Variants in MYLK4 observed in about 807,000 individuals in gnomAD.
The protein encoded by MYLK4 is caMLCK like.
Under a neutral mutation model 48.1 loss-of-function variants are expected in MYLK4, and 46 were observed. That is an observed-to-expected ratio of 0.96 (90% confidence interval 0.75 to 1.22). The LOEUF (loss-of-function observed/expected upper bound fraction) is 1.22, where lower values mean the gene tolerates loss of function less well. MYLK4 is among the 50% of genes most tolerant of loss of function. The probability of loss-of-function intolerance (pLI) is 0.00; values close to 1 mark genes in which losing one functional copy is unlikely to be tolerated. For missense variants in MYLK4, 451 were observed against 486.1 expected (o/e 0.93, Z 0.68); for synonymous variants, 170 against 180.8 (o/e 0.94, Z 0.48).
intron 2 of MYLK4, among the ~76,000 whole-genome samples, chr6:2,728,393 T>C (rs1763359852): frequency 6.6e-6 from 1 of 152,096 alleles, no homozygotes; most frequent in Admixed American, 6.5e-5. Context: ...TCATCATGTA[T>C]TGTCTGAAGA....
the MYLK4 span, among the ~76,000 whole-genome samples, chr6:2,760,597 G>A: frequency 6.6e-5 from 10 of 152,108 alleles, no homozygotes; most frequent in East Asian, 5.8e-4. Flanking sequence ...GAAATCCCAC[G>A]GGATTCTGAA....
intron 1 of MYLK4, among the ~76,000 whole-genome samples, chr6:2,750,159 G>C (rs1435167940): frequency 6.6e-6 from 1 of 152,206 alleles, no homozygotes; most frequent in South Asian, 2.1e-4. Flanking sequence ...GTTCCGCATG[G>C]CTGACAACTG....
chr6:2,765,595 C>G, the MYLK4 span: 86 of 1,476,486 alleles, frequency 5.8e-5, no homozygotes, highest in Non-Finnish European at 6.6e-5. Context: ...TGCGGCCGCG[C>G]CGGGCGCCGG....
At chr6:2,741,201 T>C (rs796787812) in intron 2 of MYLK4, among the ~76,000 whole-genome samples, 5 of 152,274 alleles carry the variant, frequency 3.3e-5, no homozygotes, top group African/African-American at 1.2e-4. Flanking sequence ...AATAGATAAA[T>C]GTGCCTTTTA....
intron 2 of MYLK4, among the ~76,000 whole-genome samples, chr6:2,717,928 C>A (rs1762926556): frequency 1.3e-5 from 2 of 152,126 alleles, no homozygotes; most frequent in Non-Finnish European, 2.9e-5. Context: ...TGCCTGTAAT[C>A]CCAGCACTTT....
intron 2 of MYLK4, among the ~76,000 whole-genome samples, chr6:2,716,219 T>C (rs1226784524): frequency 6.6e-6 from 1 of 152,238 alleles, no homozygotes; most frequent in African/African-American, 2.4e-5. Context: ...ACTATTTTTA[T>C]GGACACAAAA....
At chr6:2,763,025 C>A in the MYLK4 span, among the ~76,000 whole-genome samples, 2 of 152,200 alleles carry the variant, frequency 1.3e-5, no homozygotes, top group African/African-American at 4.8e-5. Flanking sequence ...GTCTCCATCG[C>A]CAGCTCTAGC....
intron 2 of MYLK4, among the ~76,000 whole-genome samples, chr6:2,701,399 C>T (rs951873724): frequency 6.6e-6 from 1 of 152,150 alleles, no homozygotes. Flanking sequence ...CTTGGTGTTT[C>T]CTAATGTGAG....
intron 12 of MYLK4, among the ~76,000 whole-genome samples, chr6:2,670,861 G>C (rs1417053846): frequency 6.6e-6 from 1 of 152,066 alleles, no homozygotes; most frequent in African/African-American, 2.4e-5. Context: ...CTGAGTCTCT[G>C]AGACTCTGAG....
At chr6:2,703,468 C>T (rs1037322988) in intron 2 of MYLK4, among the ~76,000 whole-genome samples, 9 of 152,156 alleles carry the variant, frequency 5.9e-5, no homozygotes, top group South Asian at 4.2e-4. Flanking sequence ...GGCCCTGGGA[C>T]GGTGGCCCTG....
intron 1 of MYLK4, 87 bp from the exon 2 acceptor site, chr6:2,749,493 C>T: frequency 2.3e-6 from 1 of 439,482 alleles, no homozygotes; most frequent in Non-Finnish European, 4.0e-6. Flanking sequence ...ATTTGGAAGT[C>T]CCTTCTGTTT....
the MYLK4 span, among the ~76,000 whole-genome samples, chr6:2,762,735 T>G: frequency 6.6e-6 from 1 of 152,214 alleles, no homozygotes; most frequent in East Asian, 1.9e-4. Flanking sequence ...TTAAACACAG[T>G]GCAGAGTTTC....
chr6:2,684,656 T>A (rs1023648149), intron 6 of MYLK4, among the ~76,000 whole-genome samples: 8 of 152,076 alleles, frequency 5.3e-5, no homozygotes, highest in African/African-American at 1.9e-4. Flanking sequence ...TTTTAAAAAA[T>A]ACAGTATAAC....
chr6:2,704,349 C>T (rs1029502585), intron 2 of MYLK4, among the ~76,000 whole-genome samples: 1 of 152,200 alleles, frequency 6.6e-6, no homozygotes, highest in Non-Finnish European at 1.5e-5. Flanking sequence ...GCAGCGCAAT[C>T]TGTTGTCCTG....
At chr6:2,692,936 G>C in intron 2 of MYLK4, 77 bp from the exon 3 acceptor site, 1 of 1,311,670 alleles carries the variant, frequency 7.6e-7, no homozygotes, top group South Asian at 1.3e-5. Context: ...TGACACTTGC[G>C]CTGGATGATT....
chr6:2,768,514 G>T, the MYLK4 span, among the ~76,000 whole-genome samples: 3 of 151,896 alleles, frequency 2.0e-5, no homozygotes, highest in South Asian at 2.1e-4. Flanking sequence ...TAATATTTTT[G>T]TTGTTGTTGT....
chr6:2,686,530 T>G (rs1266978199), intron 4 of MYLK4, among the ~76,000 whole-genome samples: 1 of 152,222 alleles, frequency 6.6e-6, no homozygotes, highest in Non-Finnish European at 1.5e-5. Flanking sequence ...TAAAATAAGC[T>G]AGAACACGTG....
Position 2,685,558 on chromosome 6 carries a change from A to T in MYLK4, c.360T>A (p.Val120=), listed in dbSNP as rs1761503243. 3.1e-6 allele frequency: 5 copies of T among 1,614,052 alleles called. No individual in the cohort carries two copies. The highest frequency in any genetic ancestry group is 1.1e-5 in the South Asian group (1 of 91,090). ...CTGTGGCCGTCTCCTCACACTTGTG[A>T]ACCTGGCCGAAACGCCCTCTGCCAA... ...EILGGGRFGQ[V]HKCEETATGL... Residue 120 remains valine, a synonymous_variant, in exon 5 of 13, where the codon GTT becomes GTA. Coordinates refer to ENST00000274643, the MANE Select transcript of MYLK4 (RefSeq NM_001012418.5). The surrounding 1 kb of genome is among the most constrained non-coding windows in gnomAD (Gnocchi z 4.5).
Position 2,728,564 on chromosome 6 carries a change from T to G in MYLK4, c.159+20572A>C, listed in dbSNP as rs190547903. On this transcript the variant is annotated intron_variant, in intron 2 of 12. Transcript: ENST00000274643. ...TGTGCTTGCTGGTCCCTGAATTCTC[T>G]TCCATCTGTCTTTCCTCATCCTCCT... 6.0e-3 allele frequency among the ~76,000 whole-genome samples: 911 copies of G among 152,328 alleles called. 4 individuals carry two copies. The highest frequency in any genetic ancestry group is 0.01 in the Non-Finnish European group (692 of 68,024).
Sources: allele counts gnomAD v4.1 joint callset (sites outside exome capture counted in the v4.1 genomes callset), GRCh38; gene constraint gnomAD v4.1.1; non-coding constraint Gnocchi (gnomAD v3.1); transcripts MANE v1.5; gene names NCBI Gene and HGNC (gene_info 2026-07-23, HGNC 2026-07-21).